Variants in PCDHGB2 observed in about 807,000 individuals in gnomAD.
The protein encoded by PCDHGB2 is protocadherin gamma subfamily B, 2, also known as protocadherin gamma-B2.
PCDHGB2 carries 55 observed loss-of-function variants against 59.3 expected under a neutral mutation model. The ratio of observed to expected loss-of-function variants is 0.93; its 90% CI spans 0.75 to 1.16. The LOEUF is 1.16. PCDHGB2 is among the 50% of genes most tolerant of loss of function. The pLI is 0.00. For synonymous variants in PCDHGB2, 516 were observed against 512.0 expected, an observed-to-expected ratio of 1.01 and a Z score of -0.11; for missense variants, 1,228 against 1,198.5, an observed-to-expected ratio of 1.02 and a Z score of -0.36.
chr5:141,477,779 A>C lies in PCDHGB2; in HGVS notation c.2422-17028A>C. ...CCTAGCCACCAACATCAGCGTGAAC[A>C]TATTTGTCACTGATCGCAATGACAA... is the stretch of plus-strand genomic sequence containing the variant. On this transcript the variant is annotated intron_variant, in intron 1 of 3. Transcript: ENST00000522605. The surrounding 1 kb of genome is among the most constrained non-coding windows in gnomAD (Gnocchi z 4.9). 1.2e-6 allele frequency: 2 copies of C among 1,614,012 alleles called. No individual in the cohort carries two copies. Among genetic ancestry groups the C allele is most frequent in the Non-Finnish European group, 1.7e-6 (2 of 1,180,020 alleles).
intron 1 of PCDHGB2, chr5:141,427,595 C>A: frequency 1.5e-6 from 1 of 681,870 alleles, no homozygotes; most frequent in Non-Finnish European, 2.7e-6. Flanking sequence ...CAAGCCTCAC[C>A]CTACGCATTG....
At chr5:141,388,332 A>G in intron 1 of PCDHGB2, 1 of 1,614,002 alleles carries the variant, frequency 6.2e-7, no homozygotes. Flanking sequence ...ACAGCCTGGC[A>G]CACGATTTAT....
intron 1 of PCDHGB2, among the ~76,000 whole-genome samples, chr5:141,437,573 G>A (rs923321760): frequency 1.3e-5 from 2 of 152,164 alleles, no homozygotes; most frequent in African/African-American, 4.8e-5. Flanking sequence ...GAGTATAGCT[G>A]TGATCATGAA....
chr5:141,483,133 T>C (rs1263073911), intron 1 of PCDHGB2, among the ~76,000 whole-genome samples: 25 of 152,142 alleles, frequency 1.6e-4, no homozygotes, highest in South Asian at 1.2e-3. Flanking sequence ...GGAGATGAGG[T>C]GAAGCAAGTA....
Position 141,360,422 on chromosome 5 carries a change from G to A in PCDHGB2, c.287G>A (p.Cys96Tyr), listed in dbSNP as rs1042149116. ...VSDRIDREQI[C>Y]GKQPLCVLDF... The stretch of plus-strand genomic sequence containing the variant: ...GACAGAATAGACCGAGAACAGATAT[G>A]CGGGAAGCAGCCTCTGTGTGTTCTG... The change falls in exon 1 of 4, where the codon TGC (cysteine) becomes TAC (tyrosine). Residue 96 changes from cysteine to tyrosine, a missense_variant. By Grantham distance (194) the Cys-to-Tyr change is radical (BLOSUM62 -2). This residue lies in a region of PCDHGB2 where 781 missense variants were observed against 721.6 expected (regional missense o/e 1.08). Coordinates refer to ENST00000522605, the MANE Select transcript of PCDHGB2 (RefSeq NM_018923.3). The A allele has an allele frequency of 1.1e-5, 17 of 1,613,872 alleles. No individual in the cohort carries two copies. The highest frequency in any genetic ancestry group is 1.4e-5 in the Non-Finnish European group (17 of 1,179,902).
chr5:141,398,145 G>A, intron 1 of PCDHGB2: 2 of 1,520,796 alleles, frequency 1.3e-6, no homozygotes, highest in Admixed American at 4.8e-5. Context: ...GCGGCGCCGG[G>A]GAGCTGGGCC....
At chr5:141,383,471 A>G in intron 1 of PCDHGB2, 1 of 1,613,632 alleles carries the variant, frequency 6.2e-7, no homozygotes, top group South Asian at 1.1e-5. Flanking sequence ...GAAACTAAGT[A>G]CCCGGAACTG....
intron 1 of PCDHGB2, chr5:141,393,863 G>A: frequency 6.2e-7 from 1 of 1,613,968 alleles, no homozygotes; most frequent in Non-Finnish European, 8.5e-7. Context: ...TGATCATTAC[G>A]TCTTTGTTTA....
intron 1 of PCDHGB2, chr5:141,372,011 G>C (rs759270061): frequency 6.2e-7 from 1 of 1,613,176 alleles, no homozygotes; most frequent in Non-Finnish European, 8.5e-7. Context: ...ACCAGGGCTC[G>C]CCTACGCTCA....
chr5:141,399,610 C>T, intron 1 of PCDHGB2: 1 of 1,613,946 alleles, frequency 6.2e-7, no homozygotes, highest in Non-Finnish European at 8.5e-7. Flanking sequence ...CCTAGAGCCT[C>T]TGGCACTGGC....
intron 1 of PCDHGB2, chr5:141,383,242 A>C: frequency 1.9e-6 from 3 of 1,613,970 alleles, no homozygotes; most frequent in Non-Finnish European, 2.5e-6. Flanking sequence ...AGATAAAATG[A>C]ATCTTTACCC....
At chr5:141,418,632 G>A in intron 1 of PCDHGB2, 1 of 1,614,028 alleles carries the variant, frequency 6.2e-7, no homozygotes, top group Non-Finnish European at 8.5e-7. Flanking sequence ...GTGCCTCCAG[G>A]CACCTCCATC....
chr5:141,376,538 T>C, intron 1 of PCDHGB2: 1 of 1,613,126 alleles, frequency 6.2e-7, no homozygotes, highest in African/African-American at 1.3e-5. Flanking sequence ...GCGGGAAGAG[T>C]AATCTGATCT....
chr5:141,394,520 A>G, intron 1 of PCDHGB2: 4 of 1,614,190 alleles, frequency 2.5e-6, no homozygotes, highest in African/African-American at 1.3e-5. Context: ...CCCTCCCCAC[A>G]GACGGTTCCA....
intron 1 of PCDHGB2, chr5:141,383,567 C>A (rs752569196): frequency 6.2e-7 from 1 of 1,613,214 alleles, no homozygotes; most frequent in Non-Finnish European, 8.5e-7. Context: ...CCGCCCCGAT[C>A]CAGCACCGCC....
At chr5:141,438,334 A>G (rs756299924) in intron 1 of PCDHGB2, among the ~76,000 whole-genome samples, 6 of 151,946 alleles carry the variant, frequency 3.9e-5, no homozygotes, top group Non-Finnish European at 7.4e-5. Context: ...TATACATGTC[A>G]TATAAGGATC....
intron 1 of PCDHGB2, chr5:141,372,805 A>C: frequency 6.3e-7 from 1 of 1,592,964 alleles, no homozygotes; most frequent in Non-Finnish European, 8.6e-7. Flanking sequence ...GGCAATTTGC[A>C]AAAGGTGAGT....
intron 3 of PCDHGB2, among the ~76,000 whole-genome samples, chr5:141,510,194 G>T (rs920127442): frequency 6.6e-6 from 1 of 151,462 alleles, no homozygotes. Context: ...AATCACTTGA[G>T]CCCAGGAGGC....
chr5:141,447,208 C>T (rs1226099966), intron 1 of PCDHGB2, among the ~76,000 whole-genome samples: 1 of 152,078 alleles, frequency 6.6e-6, no homozygotes, highest in Non-Finnish European at 1.5e-5. Flanking sequence ...GGCTTGATCT[C>T]GGCTCACTGC....
Sources: allele counts gnomAD v4.1 joint callset (sites outside exome capture counted in the v4.1 genomes callset), GRCh38; gene constraint gnomAD v4.1.1; regional missense constraint gnomAD v4.1.1; non-coding constraint Gnocchi (gnomAD v3.1); transcripts MANE v1.5; gene names NCBI Gene and HGNC (gene_info 2026-07-23, HGNC 2026-07-21).